Variants in CAB39 observed in about 807,000 individuals in gnomAD.
CAB39 encodes the protein calcium binding protein 39.
Under a neutral mutation model 40.0 loss-of-function variants are expected in CAB39, and 8 were observed. The observed-to-expected ratio is 0.20, with a 90% CI of 0.12 to 0.36. CAB39 has a LOEUF of 0.36. Ranked by LOEUF, CAB39 falls within the 10% of genes least tolerant of loss-of-function variation. The probability of loss-of-function intolerance (pLI) is 1.00; values close to 1 mark genes in which losing one functional copy is unlikely to be tolerated. For missense variants in CAB39, 270 were observed against 401.1 expected (o/e 0.67, Z 2.79); for synonymous variants, 156 against 141.6 (o/e 1.10, Z -0.72).
chr2:230,713,501 C>T lies in CAB39; in HGVS notation c.-44+271C>T, dbSNP rs765240278. 1.2e-3 allele frequency: 188 copies of T among 152,740 alleles called. 1 individual carries two copies. Among genetic ancestry groups the T allele is most frequent in the Non-Finnish European group, 2.0e-3 (137 of 68,358 alleles). The allele number at this position is 152,740 out of a possible 1,614,324, so 9.5% of individuals were successfully genotyped here. A position where few individuals can be genotyped will look rare whatever the true frequency, so the allele number is the denominator to read the frequency against. ...CAGTCCAGGCGCTCCTGCCTCTCCC[C>T]CCGTGGTTCTCTGGCGGGGCTGGCG... On this transcript the variant is annotated intron_variant, in intron 1 of 8. Coordinates refer to ENST00000258418, the MANE Select transcript of CAB39 (RefSeq NM_016289.4).
rs1472747402 is a variant in CAB39 at position 230,820,340 on chromosome 2, G to A, written c.*1636G>A. On this transcript the variant is annotated 3_prime_UTR_variant, in exon 9 of 9. Coordinates refer to ENST00000258418, the MANE Select transcript of CAB39 (RefSeq NM_016289.4). ...GTTTCAGCAGGTTTTAAACCTTCAG[G>A]AACACCAGTTAGGAAAATAGCTCCA... 3 of 152,122 alleles carry A rather than the reference G, an allele frequency of 2.0e-5. No individual in the cohort carries two copies. The highest frequency in any genetic ancestry group is 2.1e-4 in the South Asian group (1 of 4,828). The allele number at this position is 152,122 out of a possible 1,614,324, so 9.4% of individuals were successfully genotyped here. A position where few individuals can be genotyped will look rare whatever the true frequency, so the allele number is the denominator to read the frequency against.
chr2:230,783,298 T>A (rs140965097), intron 2 of CAB39, among the ~76,000 whole-genome samples: 12 of 152,378 alleles, frequency 7.9e-5, no homozygotes, highest in Non-Finnish European at 1.6e-4. Flanking sequence ...GTCTCTTTCC[T>A]TGTTCAGTGC....
chr2:230,787,626 A>G (rs1157115420), intron 2 of CAB39, among the ~76,000 whole-genome samples: 1 of 152,214 alleles, frequency 6.6e-6, no homozygotes, highest in Non-Finnish European at 1.5e-5. Context: ...ATTATACAAT[A>G]TAATTGCAAA....
At chr2:230,793,935 G>A (rs1259247022) in intron 4 of CAB39, among the ~76,000 whole-genome samples, 3 of 152,186 alleles carry the variant, frequency 2.0e-5, no homozygotes, top group Non-Finnish European at 2.9e-5. Context: ...AAAAAAGCCT[G>A]AAAACCGAAC....
Position 230,809,490 on chromosome 2 carries a change from C to T in CAB39, c.568-773C>T, listed in dbSNP as rs889235910. 6.6e-5 allele frequency among the ~76,000 whole-genome samples: 10 copies of T among 152,280 alleles called. No individual in the cohort carries two copies. In the South Asian group the frequency reaches 2.1e-3, roughly 32 times the overall value. On this transcript the variant is annotated intron_variant, in intron 5 of 8. Coordinates refer to ENST00000258418, the MANE Select transcript of CAB39 (RefSeq NM_016289.4). ...TCACTTGTTCCCATTCTCTTTCCCA[C>T]CCAGTGAGACCAAGGCTAGTCCTTT... is the stretch of plus-strand genomic sequence containing the variant.
intron 1 of CAB39, among the ~76,000 whole-genome samples, chr2:230,733,665 T>C (rs1380910267): frequency 1.3e-5 from 2 of 152,192 alleles, no homozygotes; most frequent in East Asian, 1.9e-4. Context: ...TGTTACTGGA[T>C]GCCTTATAAC....
chr2:230,752,710 G>A (rs1695112325), intron 1 of CAB39, among the ~76,000 whole-genome samples: 1 of 152,208 alleles, frequency 6.6e-6, no homozygotes, highest in African/African-American at 2.4e-5. Flanking sequence ...ACAACTCCTG[G>A]CCTTTGTGGA....
chr2:230,770,038 G>A (rs911409451), intron 2 of CAB39, among the ~76,000 whole-genome samples: 1 of 152,066 alleles, frequency 6.6e-6, no homozygotes, highest in Admixed American at 6.6e-5. Flanking sequence ...TTTACTCAGG[G>A]AAATTTCTAG....
intron 1 of CAB39, among the ~76,000 whole-genome samples, chr2:230,730,508 G>A (rs941845689): frequency 6.7e-6 from 1 of 149,120 alleles, no homozygotes; most frequent in African/African-American, 2.5e-5. Flanking sequence ...GCAGTGGTGC[G>A]ACCTCGGCTC....
intron 1 of CAB39, among the ~76,000 whole-genome samples, chr2:230,730,545 A>G (rs531326549): frequency 3.2e-4 from 49 of 151,722 alleles, no homozygotes; most frequent in African/African-American, 1.0e-3. Context: ...CCTGGGTTCA[A>G]GTGATTTCCT....
In CAB39 at chr2:230,716,413, C is replaced by G. The variant is rs531759490; in HGVS notation, c.-44+3183C>G. Among the ~76,000 whole-genome samples the G allele has an allele frequency of 6.5e-3, 983 of 152,288 alleles. 6 individuals are homozygous for G. The highest frequency in any genetic ancestry group is 0.024 in the South Asian group (115 of 4,824). ...TTCCAGATTGATGACTAATCACTCA[C>G]AGTTTAGCCATCTGCCATGAAAATA... On this transcript the variant is annotated intron_variant, in intron 1 of 8. Coordinates refer to ENST00000258418, the MANE Select transcript of CAB39 (RefSeq NM_016289.4).
chr2:230,766,471 A>G (rs1247407700), intron 2 of CAB39, among the ~76,000 whole-genome samples: 1 of 152,182 alleles, frequency 6.6e-6, no homozygotes, highest in Non-Finnish European at 1.5e-5. Flanking sequence ...GAGAGCACCA[A>G]GCCATTCATG....
At chr2:230,813,578 A>G (rs371739866) in intron 6 of CAB39, among the ~76,000 whole-genome samples, 1 of 152,150 alleles carries the variant, frequency 6.6e-6, no homozygotes. Context: ...TGCCTGATAC[A>G]TTGAAAGAGC....
At chr2:230,803,311 C>CA (rs1559616354) in intron 5 of CAB39, among the ~76,000 whole-genome samples, 1 of 152,168 alleles carries the variant, frequency 6.6e-6, no homozygotes, top group East Asian at 1.9e-4. Flanking sequence ...ACTGAATGGG[C>CA]AAAAACCGGA....
chr2:230,813,978 CTTTTTTTTTTTTTTTTTTTT>C (rs1160253213), intron 6 of CAB39, 51 bp from the exon 7 acceptor site: 66 of 113,110 alleles, frequency 5.8e-4, no homozygotes, highest in African/African-American at 1.5e-3. Flanking sequence ...ACCTACCAGT[CTTTTTTTTTTTTTTTTTTTT>C]TTTTTTTTTT....
At chr2:230,724,703 C>CAA (rs60886023) in intron 1 of CAB39, among the ~76,000 whole-genome samples, 990 of 54,720 alleles carry the variant, frequency 0.018, 23 homozygotes, top group African/African-American at 0.056. Context: ...ACACGCTCAC[C>CAA]AAAAAAAAAA....
chr2:230,732,107 A>T (rs894598504), intron 1 of CAB39, among the ~76,000 whole-genome samples: 2 of 141,196 alleles, frequency 1.4e-5, no homozygotes, highest in Non-Finnish European at 3.1e-5. Flanking sequence ...GGGGAGGGGG[A>T]CTGTCTCACT....
At chr2:230,743,770 A>G (rs1331576857) in intron 1 of CAB39, among the ~76,000 whole-genome samples, 2 of 152,184 alleles carry the variant, frequency 1.3e-5, no homozygotes, top group Non-Finnish European at 2.9e-5. Flanking sequence ...GATTGGGGCC[A>G]GTATTAAATT....
At chr2:230,730,760 A>C (rs761111266) in intron 1 of CAB39, among the ~76,000 whole-genome samples, 6 of 152,180 alleles carry the variant, frequency 3.9e-5, no homozygotes, top group Non-Finnish European at 8.8e-5. Context: ...ACTTATATGA[A>C]TATCCATTGG....
Sources: allele counts gnomAD v4.1 joint callset (sites outside exome capture counted in the v4.1 genomes callset), GRCh38; gene constraint gnomAD v4.1.1; transcripts MANE v1.5; gene names NCBI Gene and HGNC (gene_info 2026-07-23, HGNC 2026-07-21).